The following FGF13 variants were observed in gnomAD, a reference collection of about 807,000 sequenced individuals.
FGF13 encodes the protein fibroblast growth factor 13.
Under a neutral mutation model 19.5 loss-of-function variants are expected in FGF13, and 2 were observed. That is an observed-to-expected ratio of 0.10 (90% CI 0.04 to 0.32). The LOEUF (loss-of-function observed/expected upper bound fraction) is 0.32. Among genes scored for constraint, FGF13 ranks in the 10% least tolerant of loss-of-function variants. The pLI, the probability that FGF13 is intolerant of heterozygous loss-of-function variation, is 1.00. For synonymous variants in FGF13, 72 were observed against 76.9 expected, an observed-to-expected ratio of 0.94 and a Z score of 0.33; for missense variants, 113 against 192.7, an observed-to-expected ratio of 0.59 and a Z score of 2.45.
rs1487268958 is a variant in FGF13, at chrX:138,617,117, A to G, written c.*15733T>C. The G allele has an allele frequency of 8.9e-6, 1 of 111,800 alleles. No homozygotes were observed. Among genetic ancestry groups the G allele is most frequent in the African/African-American group, 3.3e-5 (1 of 30,716 alleles). The allele number at this position is 111,800 out of a possible 1,213,427, so 9.2% of individuals were successfully genotyped here. A position where few individuals can be genotyped will look rare whatever the true frequency, so the allele number is the denominator to read the frequency against. Reference sequence around the variant, plus strand: ...ATATTTGTAGTGATAGGAATATTCTATATCTTGAAAGGAGTTTCTGTTACA... The same window carrying G: ...ATATTTGTAGTGATAGGAATATTCTGTATCTTGAAAGGAGTTTCTGTTACA... On this transcript the variant is annotated 3_prime_UTR_variant, in exon 5 of 5. Coordinates refer to ENST00000315930, the MANE Select transcript of FGF13 (RefSeq NM_004114.5).
intron 1 of FGF13, among the ~76,000 whole-genome samples, chrX:139,064,493 G>A (rs1334059657): frequency 2.5e-5 from 2 of 79,567 alleles, no homozygotes; most frequent in Non-Finnish European, 4.7e-5. Context: ...TAGTAGAGAC[G>A]GGGTTTCACC....
chrX:139,030,973 C>A (rs931154343), intron 1 of FGF13, among the ~76,000 whole-genome samples: 2 of 111,577 alleles, frequency 1.8e-5, no homozygotes, highest in African/African-American at 3.3e-5. Flanking sequence ...TTGGAACAGG[C>A]CTTGGCGGAC....
At chrX:139,138,030 T>C (rs1339774207) in intron 1 of FGF13, among the ~76,000 whole-genome samples, 1 of 112,383 alleles carries the variant, frequency 8.9e-6, no homozygotes, top group Admixed American at 9.4e-5. Flanking sequence ...CCTTTGTCAA[T>C]GCAAAGTTGA....
intron 1 of FGF13, among the ~76,000 whole-genome samples, chrX:139,055,040 G>A (rs762283273): frequency 2.2e-4 from 25 of 111,409 alleles, no homozygotes; most frequent in South Asian, 7.5e-4. Context: ...TCTTGTATCC[G>A]GAAAGTTTGC....
At chrX:139,108,253 C>G (rs2083573713) in intron 1 of FGF13, among the ~76,000 whole-genome samples, 1 of 111,281 alleles carries the variant, frequency 9.0e-6, no homozygotes, top group African/African-American at 3.3e-5. Flanking sequence ...GTCAACAGTC[C>G]CAAATTTAGA....
intron 3 of FGF13, among the ~76,000 whole-genome samples, chrX:138,645,446 T>C (rs1259179267): frequency 1.8e-5 from 2 of 112,015 alleles, no homozygotes; most frequent in African/African-American, 3.2e-5. Context: ...CAGCTCAAAG[T>C]TGCCTCTTCC....
At position 138,692,122 on chromosome X, in the gene FGF13, A is replaced by G. The variant is rs543745367; in HGVS notation, c.402+10862T>C. On this transcript the variant is annotated intron_variant, in intron 3 of 4. Transcript: ENST00000315930. ...ATGTTAACACTTCAGAGGACCCACA[A>G]AAGTTCATAATTGGTCTCTGTAACT... Among the ~76,000 whole-genome samples the G allele has an allele frequency of 1.3e-4, 15 of 111,740 alleles. No individual in the cohort carries two copies. The South Asian group carries it at 5.2e-3, about 39-fold the overall frequency.
At chrX:139,147,171 T>C (rs896658935) in intron 1 of FGF13, among the ~76,000 whole-genome samples, 3 of 107,370 alleles carry the variant, frequency 2.8e-5, no homozygotes, top group Non-Finnish European at 3.8e-5. Context: ...AAATACCACC[T>C]GTTTCCCAAA....
chrX:139,104,048 G>A (rs1384568882), intron 1 of FGF13, among the ~76,000 whole-genome samples: 1 of 111,402 alleles, frequency 9.0e-6, no homozygotes, highest in African/African-American at 3.3e-5. Flanking sequence ...TCTGCAAAAT[G>A]GCGGCAATGG....
intron 1 of FGF13, among the ~76,000 whole-genome samples, chrX:139,039,666 C>T (rs776025896): frequency 9.9e-5 from 11 of 111,453 alleles, no homozygotes; most frequent in African/African-American, 3.6e-4. Context: ...AGATTGGAAA[C>T]GAACCCCTGG....
chrX:139,021,946 A>T (rs753240798), intron 1 of FGF13, among the ~76,000 whole-genome samples: 20 of 112,270 alleles, frequency 1.8e-4, no homozygotes, highest in African/African-American at 6.4e-4. Context: ...AGAATTGATT[A>T]TGTTAAGAGA....
intron 3 of FGF13, among the ~76,000 whole-genome samples, chrX:138,789,721 A>T (rs1184805122): frequency 9.1e-6 from 1 of 110,008 alleles, no homozygotes; most frequent in Non-Finnish European, 1.9e-5. Flanking sequence ...AGGCTGCTGT[A>T]ACAAAGGACC....
intron 3 of FGF13, among the ~76,000 whole-genome samples, chrX:138,699,335 T>C (rs1188534038): frequency 8.9e-6 from 1 of 112,019 alleles, no homozygotes; most frequent in Non-Finnish European, 1.9e-5. Flanking sequence ...TACCATTTCT[T>C]ATGTCTGTAA....
intron 2 of FGF13, among the ~76,000 whole-genome samples, chrX:138,708,109 A>G (rs2090009161): frequency 8.9e-6 from 1 of 112,520 alleles, no homozygotes; most frequent in African/African-American, 3.2e-5. Flanking sequence ...ATTGAGGAGA[A>G]GCCTGCACTA....
intron 1 of FGF13, among the ~76,000 whole-genome samples, chrX:139,017,071 T>A (rs1175387961): frequency 4.5e-5 from 3 of 66,018 alleles, no homozygotes; most frequent in Middle Eastern, 7.4e-3. Flanking sequence ...AACATACACA[T>A]ATACATGTGT....
At chrX:139,171,870 T>C (rs766892509) in intron 1 of FGF13, among the ~76,000 whole-genome samples, 3 of 112,294 alleles carry the variant, frequency 2.7e-5, no homozygotes, top group African/African-American at 9.7e-5. Flanking sequence ...ACTTTGTGAT[T>C]ATGATATTGC....
At chrX:138,818,842 T>A (rs2090980172) in intron 3 of FGF13, among the ~76,000 whole-genome samples, 1 of 111,751 alleles carries the variant, frequency 8.9e-6, no homozygotes, top group Admixed American at 9.6e-5. Flanking sequence ...AAAATGGGTA[T>A]GCACTTGGCT....
chrX:138,674,912 A>G (rs1342259736), intron 3 of FGF13, among the ~76,000 whole-genome samples: 1 of 111,750 alleles, frequency 8.9e-6, no homozygotes, highest in Non-Finnish European at 1.9e-5. Context: ...AGGGTGTGAC[A>G]AAATTGTCAA....
intron 1 of FGF13, among the ~76,000 whole-genome samples, chrX:139,073,683 T>C (rs771758894): frequency 8.9e-5 from 10 of 111,810 alleles, no homozygotes; most frequent in African/African-American, 3.2e-4. Flanking sequence ...CCAGAGAACA[T>C]GTACCACAAC....
Sources: allele counts gnomAD v4.1 joint callset (sites outside exome capture counted in the v4.1 genomes callset), GRCh38; gene constraint gnomAD v4.1.1; transcripts MANE v1.5; gene names NCBI Gene and HGNC (gene_info 2026-07-23, HGNC 2026-07-21).